Variants in TOP1 observed in about 807,000 individuals in gnomAD.
TOP1 encodes DNA topoisomerase I.
Under a neutral mutation model 111.1 loss-of-function variants are expected in TOP1, and 10 were observed. That is an observed-to-expected ratio of 0.09 (90% CI 0.06 to 0.15). The LOEUF is 0.15. TOP1 is among the 10% of genes least tolerant of loss of function. TOP1 has a pLI of 1.00. For missense variants in TOP1, 474 were observed against 926.7 expected, an observed-to-expected ratio of 0.51 and a Z score of 6.34; for synonymous variants, 271 against 302.9, an observed-to-expected ratio of 0.89 and a Z score of 1.10.
At chr20:41,084,848 C>T (rs2033828863) in intron 8 of TOP1, among the ~76,000 whole-genome samples, 1 of 152,114 alleles carries the variant, frequency 6.6e-6, no homozygotes, top group Non-Finnish European at 1.5e-5. Flanking sequence ...GAAGAGAGTA[C>T]AGATGCATTT....
chr20:41,045,953 A>G (rs1048414142), intron 2 of TOP1, among the ~76,000 whole-genome samples: 1 of 152,196 alleles, frequency 6.6e-6, no homozygotes, highest in African/African-American at 2.4e-5. Context: ...GACATATATT[A>G]GTCTGATGGA....
chr20:41,076,971 T>G (rs1231818146), intron 4 of TOP1, among the ~76,000 whole-genome samples: 3 of 152,194 alleles, frequency 2.0e-5, no homozygotes, highest in Non-Finnish European at 2.9e-5. Flanking sequence ...ATATGAAGAT[T>G]TTTTTGAAAG....
chr20:41,089,929 C>T (rs957784093), intron 8 of TOP1, among the ~76,000 whole-genome samples: 2 of 151,996 alleles, frequency 1.3e-5, no homozygotes, highest in South Asian at 4.1e-4. Flanking sequence ...ACTTGTATAT[C>T]TTCTTTAGAA....
rs199638655 is a variant in TOP1, at chr20:41,113,729, A to AT, written c.1453-241_1453-240insT. Among the ~76,000 whole-genome samples the AT allele has an allele frequency of 3.2e-3, 479 of 151,178 alleles. 1 individual carries two copies. The highest frequency in any genetic ancestry group is 0.011 in the African/African-American group (450 of 41,322). ...TACTAAAAATACAAAAAAAAAAAAA[A>AT]AAATAAAAATTGGCGTGGTGGCGGG... On this transcript the variant is annotated intron_variant, in intron 14 of 20. Transcript: ENST00000361337.
Position 41,122,572 on chromosome 20 carries a change from G to A in TOP1, c.2195+417G>A, listed in dbSNP as rs1006315886. ...GAGATAAAGATGAGAATACAGATCT[G>A]AGCAACTTACACAGAGAGGCAGAGG... On this transcript the variant is annotated intron_variant, in intron 20 of 20. Transcript: ENST00000361337. The surrounding 1 kb of genome is among the most constrained non-coding windows in gnomAD (Gnocchi z 5.4). Among the ~76,000 whole-genome samples, 1 of 152,188 alleles carries A rather than the reference G, an allele frequency of 6.6e-6. No homozygotes were observed. Among genetic ancestry groups the A allele is most frequent in the Non-Finnish European group, 1.5e-5 (1 of 68,030 alleles).
intron 3 of TOP1, among the ~76,000 whole-genome samples, chr20:41,064,738 T>C (rs1268369298): frequency 6.6e-6 from 1 of 152,124 alleles, no homozygotes; most frequent in Non-Finnish European, 1.5e-5. Context: ...AAATGCCACT[T>C]TTGTGTGCTC....
rs2033128848 is a variant in TOP1, at chr20:41,032,202, AT to A, written c.58+2751del. On this transcript the variant is annotated intron_variant, in intron 2 of 20. Transcript: ENST00000361337. The surrounding 1 kb of genome is among the most constrained non-coding windows in gnomAD (Gnocchi z 4.3). ...CATATATTAAAATCAAACGTCTCTC[AT>A]TTTGCCTGCCCTCATCCCCTAAGAT... Among the ~76,000 whole-genome samples, 1 of 152,178 alleles carries A rather than the reference AT, an allele frequency of 6.6e-6. No homozygotes were observed. The highest frequency in any genetic ancestry group is 3.4e-3 in the Middle Eastern group (1 of 294).
rs1286032561 is a variant in TOP1, at chr20:41,079,109, A to G, written c.336-976A>G. 4.6e-5 allele frequency among the ~76,000 whole-genome samples: 7 copies of G among 152,208 alleles called. No homozygotes were observed. The East Asian group carries it at 1.3e-3, about 29-fold the overall frequency. On this transcript the variant is annotated intron_variant, in intron 5 of 20. Coordinates refer to ENST00000361337, the MANE Select transcript of TOP1 (RefSeq NM_003286.4). The surrounding 1 kb of genome is among the most constrained non-coding windows in gnomAD (Gnocchi z 4.0). The stretch of plus-strand genomic sequence containing the variant: ...GCTAAAATAAGTTCTTTAAACATTC[A>G]AATTCTATCACAAGCAAGGGGACCC...
At chr20:41,036,812 T>C (rs1028950262) in intron 2 of TOP1, among the ~76,000 whole-genome samples, 7 of 149,670 alleles carry the variant, frequency 4.7e-5, no homozygotes, top group Non-Finnish European at 7.4e-5. Flanking sequence ...GATCCAATTG[T>C]ATATCTAGTT....
rs559681422 is a variant in TOP1, at chr20:41,092,670, A to T, written c.730+83A>T. 1.5e-6 allele frequency: 1 copy of T among 672,344 alleles called. No individual in the cohort carries two copies. The highest frequency in any genetic ancestry group is 1.8e-5 in the African/African-American group (1 of 54,406). The allele number at this position is 672,344 out of a possible 1,614,324, so 41.6% of individuals were successfully genotyped here. ...GGGATAGAAAACAAGGAAGGATCCTATGTAATAGATAATCCTTTTTATTTC... is the reference window on the plus strand; with the variant it reads ...GGGATAGAAAACAAGGAAGGATCCTTTGTAATAGATAATCCTTTTTATTTC... On this transcript the variant is annotated intron_variant, in intron 9 of 20. Transcript: ENST00000361337. The surrounding 1 kb of genome is among the most constrained non-coding windows in gnomAD (Gnocchi z 4.3).
chr20:41,120,655 A>G (rs2034407842), intron 18 of TOP1, among the ~76,000 whole-genome samples: 1 of 152,242 alleles, frequency 6.6e-6, no homozygotes, highest in South Asian at 2.1e-4. Context: ...TATGGATTCC[A>G]TGAGAGTTCA....
chr20:41,035,767 G>A (rs2033177624), intron 2 of TOP1, among the ~76,000 whole-genome samples: 1 of 152,138 alleles, frequency 6.6e-6, no homozygotes. Flanking sequence ...TTTCCCCTTA[G>A]TAGAAGTCCA....
intron 2 of TOP1, among the ~76,000 whole-genome samples, chr20:41,047,796 C>CAT (rs988722575): frequency 6.6e-6 from 1 of 152,146 alleles, no homozygotes; most frequent in Admixed American, 6.5e-5. Flanking sequence ...ACAGGAAGCT[C>CAT]ACCAGGACTC....
intron 14 of TOP1, 40 bp from the exon 15 acceptor site, chr20:41,113,930 T>C (rs2034287929): frequency 1.4e-6 from 2 of 1,422,532 alleles, no homozygotes; most frequent in Non-Finnish European, 2.0e-6. Context: ...GGATCATGTC[T>C]CTTCCATTCA....
chr20:41,099,982 C>T (rs2034036822), intron 11 of TOP1, 74 bp from the exon 12 acceptor site: 1 of 1,049,602 alleles, frequency 9.5e-7, no homozygotes, highest in South Asian at 1.9e-5. Context: ...ACTTAGTCTC[C>T]CACAAGAGAT....
At position 41,112,908 on chromosome 20, in the gene TOP1, C is replaced by G; in HGVS notation, c.1435C>G (p.Leu479Val). ...EMKVRQRAVALYFIDKLALRA... is the reference protein window; with the variant it reads ...EMKVRQRAVAVYFIDKLALRA... The stretch of plus-strand genomic sequence containing the variant: ...GAAAGTCCGGCAGAGAGCTGTAGCC[C>G]TGTACTTCATCGACAAGGTGAGAGC... The change falls in exon 14 of 21, where the codon CTG becomes GTG. Residue 479 changes from leucine (L) to valine (V), a missense_variant. By Grantham distance (32) the Leu-to-Val change is conservative. This residue lies in a region of TOP1 where 8 missense variants were observed against 61.9 expected (regional missense o/e 0.13). Transcript: ENST00000361337. The surrounding 1 kb of genome is among the most constrained non-coding windows in gnomAD (Gnocchi z 5.8). 1.2e-6 allele frequency: 2 copies of G among 1,614,120 alleles called. No individual in the cohort carries two copies.
intron 2 of TOP1, among the ~76,000 whole-genome samples, chr20:41,057,394 A>T (rs937342035): frequency 4.2e-4 from 64 of 151,450 alleles, no homozygotes; most frequent in African/African-American, 1.3e-3. Context: ...AAAAAAATAA[A>T]AAAAAAAAAG....
At chr20:41,091,719 G>A (rs2033922766) in intron 8 of TOP1, among the ~76,000 whole-genome samples, 1 of 151,882 alleles carries the variant, frequency 6.6e-6, no homozygotes, top group African/African-American at 2.4e-5. Flanking sequence ...ACCATGCCCA[G>A]CTAATTTTTG....
Position 41,061,309 on chromosome 20 carries a change from T to G in TOP1, c.59-85T>G. The G allele has an allele frequency of 7.6e-7, 1 of 1,308,804 alleles. No homozygotes were observed. The highest frequency in any genetic ancestry group is 2.3e-5 in the East Asian group (1 of 43,080). The allele number at this position is 1,308,804 out of a possible 1,614,324, so 81.1% of individuals were successfully genotyped here. A position where few individuals can be genotyped will look rare whatever the true frequency, so the allele number is the denominator to read the frequency against. ...TACCATGCCATTTGAATCCTGTCATTGTACTTCTTGACCAGCTTGTCAAGG... is the reference window on the plus strand; with the variant it reads ...TACCATGCCATTTGAATCCTGTCATGGTACTTCTTGACCAGCTTGTCAAGG... On this transcript the variant is annotated intron_variant, in intron 2 of 20. Coordinates refer to ENST00000361337, the MANE Select transcript of TOP1 (RefSeq NM_003286.4). This position sits in a 1 kb window ranked among gnomAD's most constrained non-coding sequence, Gnocchi z 4.6.
Sources: gnomAD v4.1 joint callset for allele counts (sites outside exome capture counted in the v4.1 genomes callset) on GRCh38, gnomAD v4.1.1 for gene constraint, gnomAD v4.1.1 regional missense constraint, Gnocchi (gnomAD v3.1) non-coding constraint, MANE v1.5 for transcripts, NCBI Gene and HGNC (gene_info 2026-07-23, HGNC 2026-07-21) for gene names.